Variants in ATXN10 observed in about 807,000 individuals in gnomAD.
ATXN10 encodes ataxin-10.
In ATXN10, 28 loss-of-function variants were observed where a neutral mutation model predicts 52.9. The ratio of observed to expected loss-of-function variants is 0.53; its 90% CI spans 0.39 to 0.73. The LOEUF (loss-of-function observed/expected upper bound fraction) is 0.73, where lower values mean the gene tolerates loss of function less well. Ranked by LOEUF, ATXN10 falls within the 30% of genes least tolerant of loss-of-function variation. The pLI, the probability that ATXN10 is intolerant of heterozygous loss-of-function variation, is 0.00. For synonymous variants in ATXN10, 226 were observed against 221.5 expected (o/e 1.02, Z -0.18); for missense variants, 565 against 577.0 (o/e 0.98, Z 0.21).
At position 45,754,113 on chromosome 22, in the gene ATXN10, AT is replaced by A. The variant is rs5845731; in HGVS notation, c.1173+13576del. Among the ~76,000 whole-genome samples, 12,935 of 152,234 alleles carry A rather than the reference AT, an allele frequency of 0.085. 706 individuals carry two copies. Among genetic ancestry groups the A allele is most frequent in the Middle Eastern group, 0.16 (47 of 294 alleles). ...GACGCAACCTGGGTTCCTGAGCCTT[AT>A]GGGGTTAAGTGCAAAAGTGAGTCCT... is the stretch of plus-strand genomic sequence containing the variant. On this transcript the variant is annotated intron_variant, in intron 9 of 11. Transcript: ENST00000252934. The surrounding 1 kb of genome is among the most constrained non-coding windows in gnomAD (Gnocchi z 5.4).
Position 45,840,024 on chromosome 22 carries a change from T to C in ATXN10, c.1238-2967T>C, listed in dbSNP as rs1929295310. On this transcript the variant is annotated intron_variant, in intron 10 of 11. Transcript: ENST00000252934. This position sits in a 1 kb window ranked among gnomAD's most constrained non-coding sequence, Gnocchi z 5.8. Reference sequence around the variant, plus strand: ...CACAGAGAAGTGAGTACTATTGGTCTTGTTGTGAGGAGTTCACAGTGCATT... The same window carrying C: ...CACAGAGAAGTGAGTACTATTGGTCCTGTTGTGAGGAGTTCACAGTGCATT... Among the ~76,000 whole-genome samples the C allele has an allele frequency of 6.6e-6, 1 of 152,230 alleles. No homozygotes were observed.
At chr22:45,685,349 C>G (rs1204493425) in intron 1 of ATXN10, among the ~76,000 whole-genome samples, 3 of 152,108 alleles carry the variant, frequency 2.0e-5, no homozygotes, top group Non-Finnish European at 4.4e-5. Context: ...ACATTGTCTT[C>G]AGGGTATGCA....
intron 6 of ATXN10, among the ~76,000 whole-genome samples, chr22:45,719,972 C>T (rs1390772844): frequency 2.0e-5 from 3 of 152,012 alleles, no homozygotes; most frequent in South Asian, 2.1e-4. Context: ...GTGGTTGGCA[C>T]ACAGCAGGTG....
chr22:45,799,232 G>A lies in ATXN10; in HGVS notation c.1174-7727G>A, dbSNP rs559207563. Among the ~76,000 whole-genome samples, 50 of 152,100 alleles carry A rather than the reference G, an allele frequency of 3.3e-4. No homozygotes were observed. The South Asian group carries it at 3.3e-3, about 10-fold the overall frequency. On this transcript the variant is annotated intron_variant, in intron 9 of 11. Transcript: ENST00000252934. ...ATTACAGGCGCCTGCCACCACGCCC[G>A]TCCCAGGAAACATTTTTTATAAAAA...
chr22:45,738,265 T>A (rs1383252444), intron 7 of ATXN10, among the ~76,000 whole-genome samples: 1 of 152,046 alleles, frequency 6.6e-6, no homozygotes, highest in Non-Finnish European at 1.5e-5. Context: ...AAAGCCAGAG[T>A]TTTTTCAACC....
At chr22:45,716,637 C>T (rs1400762384) in intron 5 of ATXN10, among the ~76,000 whole-genome samples, 1 of 152,004 alleles carries the variant, frequency 6.6e-6, no homozygotes, top group African/African-American at 2.4e-5. Flanking sequence ...GAGCCACGGC[C>T]TGGAATGTTT....
At chr22:45,682,664 A>T (rs1922975520) in intron 1 of ATXN10, among the ~76,000 whole-genome samples, 1 of 152,058 alleles carries the variant, frequency 6.6e-6, no homozygotes, top group Non-Finnish European at 1.5e-5. Flanking sequence ...ACTACTTCAC[A>T]TTCTACTTGT....
intron 7 of ATXN10, chr22:45,729,875 G>A (rs888505358): frequency 7.1e-5 from 30 of 419,964 alleles, no homozygotes; most frequent in African/African-American, 6.1e-4. Context: ...TCTATTAAAA[G>A]TGGAGCCTTT....
intron 8 of ATXN10, among the ~76,000 whole-genome samples, chr22:45,739,198 T>C (rs1196806731): frequency 2.6e-5 from 4 of 152,216 alleles, no homozygotes; most frequent in Non-Finnish European, 5.9e-5. Flanking sequence ...CTTTGTAAAA[T>C]GTGGCAGTAA....
chr22:45,672,080 C>A lies in ATXN10; in HGVS notation c.17C>A (p.Pro6Gln), dbSNP rs968525295. 8.5e-6 allele frequency: 13 copies of A among 1,537,844 alleles called. No individual in the cohort carries two copies. In the Admixed American group the frequency reaches 1.2e-4, roughly 14 times the overall value. Reference protein sequence around the residue: MAAPRPPPARLSGVMV... With the variant: MAAPRQPPARLSGVMV... ...AGCGGCAAGATGGCGGCGCCCAGGC[C>A]GCCGCCTGCCAGGCTGTCGGGCGTC... The change falls in exon 1 of 12, where the codon CCG (proline) becomes CAG (glutamine). Residue 6 changes from proline to glutamine, a missense_variant. Physicochemically the swap from Pro to Gln is moderately conservative, Grantham distance 76. Coordinates refer to ENST00000252934, the MANE Select transcript of ATXN10 (RefSeq NM_013236.4).
chr22:45,753,377 C>CTTTTTTTTTT lies in ATXN10; in HGVS notation c.1173+12878_1173+12887dup, dbSNP rs71190680. On this transcript the variant is annotated intron_variant, in intron 9 of 11. Coordinates refer to ENST00000252934, the MANE Select transcript of ATXN10 (RefSeq NM_013236.4). ...AGAGGGTCCACTCACCTCTTACCAG[C>CTTTTTTTTTT]TTTTTTTTTTTTTTTTTTTTTTTTT... Among the ~76,000 whole-genome samples, 3 of 57,870 alleles carry CTTTTTTTTTT rather than the reference C, an allele frequency of 5.2e-5. 1 individual carries two copies. Among genetic ancestry groups the CTTTTTTTTTT allele is most frequent in the African/African-American group, 6.7e-5 (1 of 14,850 alleles). 38.0% of individuals were successfully genotyped at this position (57,870 alleles called of 152,430 possible).
intron 3 of ATXN10, among the ~76,000 whole-genome samples, chr22:45,695,516 GTC>G (rs1923571869): frequency 7.0e-6 from 1 of 142,644 alleles, no homozygotes; most frequent in African/African-American, 2.6e-5. Flanking sequence ...TTGAGATGGA[GTC>G]TTACTCTGTC....
chr22:45,747,856 G>A (rs1419150969), intron 9 of ATXN10, among the ~76,000 whole-genome samples: 2 of 152,086 alleles, frequency 1.3e-5, no homozygotes, highest in African/African-American at 2.4e-5. Flanking sequence ...CGAGGCAGGA[G>A]GATCACTTGA....
rs573433317 is a variant in ATXN10, at chr22:45,733,301, A to G, written c.894+3711A>G. 8.5e-5 allele frequency among the ~76,000 whole-genome samples: 13 copies of G among 152,376 alleles called. No homozygotes were observed. The South Asian group carries it at 2.7e-3, about 32-fold the overall frequency. On this transcript the variant is annotated intron_variant, in intron 7 of 11. Transcript: ENST00000252934. The surrounding 1 kb of genome is among the most constrained non-coding windows in gnomAD (Gnocchi z 4.4). ...TGCAGTAGGTATTACATATTTAATT[A>G]CATAATACATATTTAATACATATTC...
chr22:45,802,277 C>T (rs949149695), intron 9 of ATXN10, among the ~76,000 whole-genome samples: 2 of 152,198 alleles, frequency 1.3e-5, no homozygotes, highest in African/African-American at 4.8e-5. Context: ...TAATTACGGG[C>T]CTACAATCAA....
chr22:45,772,028 C>G lies in ATXN10; in HGVS notation c.1173+31490C>G, dbSNP rs1379633858. Among the ~76,000 whole-genome samples, 1 of 152,216 alleles carries G rather than the reference C, an allele frequency of 6.6e-6. No individual in the cohort carries two copies. The highest frequency in any genetic ancestry group is 1.5e-5 in the Non-Finnish European group (1 of 68,040). ...AGTATTTTCTTTAGTCAGTAGCCCACATTTTCATTCTCTTAGCAGTGTGTT... is the reference window on the plus strand; with the variant it reads ...AGTATTTTCTTTAGTCAGTAGCCCAGATTTTCATTCTCTTAGCAGTGTGTT... On this transcript the variant is annotated intron_variant, in intron 9 of 11. Coordinates refer to ENST00000252934, the MANE Select transcript of ATXN10 (RefSeq NM_013236.4). The surrounding 1 kb of genome is among the most constrained non-coding windows in gnomAD (Gnocchi z 4.1).
At position 45,786,454 on chromosome 22, in the gene ATXN10, G is replaced by A. The variant is rs376374673; in HGVS notation, c.1174-20505G>A. Among the ~76,000 whole-genome samples the A allele has an allele frequency of 6.6e-6, 1 of 152,200 alleles. No homozygotes were observed. Among genetic ancestry groups the A allele is most frequent in the Admixed American group, 6.5e-5 (1 of 15,284 alleles). On this transcript the variant is annotated intron_variant, in intron 9 of 11. Transcript: ENST00000252934. This position sits in a 1 kb window ranked among gnomAD's most constrained non-coding sequence, Gnocchi z 4.1. ...GTTCCCGTGTGGCCACTGAGGCCCCGTGCAGTGGTGCAGTCCTTGTGTGCG... is the reference window on the plus strand; with the variant it reads ...GTTCCCGTGTGGCCACTGAGGCCCCATGCAGTGGTGCAGTCCTTGTGTGCG...
chr22:45,806,923 G>C, intron 9 of ATXN10, 36 bp from the exon 10 acceptor site: 4 of 1,526,866 alleles, frequency 2.6e-6, no homozygotes, highest in Non-Finnish European at 3.6e-6. Context: ...TAGCCATGCT[G>C]TTTTCAGTGT....
chr22:45,796,767 G>A (rs1420873612), intron 9 of ATXN10, among the ~76,000 whole-genome samples: 3 of 152,154 alleles, frequency 2.0e-5, no homozygotes, highest in Non-Finnish European at 4.4e-5. Context: ...CCAAAGCATT[G>A]AGATTACAGG....
Sources: gnomAD v4.1 joint callset for allele counts (sites outside exome capture counted in the v4.1 genomes callset) on GRCh38, gnomAD v4.1.1 for gene constraint, Gnocchi (gnomAD v3.1) non-coding constraint, MANE v1.5 for transcripts, NCBI Gene and HGNC (gene_info 2026-07-23, HGNC 2026-07-21) for gene names.